The following CTCF variants were observed in gnomAD, a reference collection of about 807,000 sequenced individuals.
CTCF encodes the protein CCCTC-binding factor, also known as transcriptional repressor CTCF.
In CTCF, 7 loss-of-function variants were observed where a neutral mutation model predicts 72.3. The observed-to-expected ratio is 0.10, with a 90% CI of 0.06 to 0.18. The LOEUF (loss-of-function observed/expected upper bound fraction) is 0.18, where lower values mean the gene tolerates loss of function less well. Ranked by LOEUF, CTCF falls within the 10% of genes least tolerant of loss-of-function variation. CTCF has a pLI of 1.00. For synonymous variants in CTCF, 374 were observed against 315.8 expected (o/e 1.18, Z -1.95); for missense variants, 516 against 949.1 (o/e 0.54, Z 6.00).
At chr16:67,628,734 G>C (rs2052323408) in intron 9 of CTCF, among the ~76,000 whole-genome samples, 182 bp downstream of exon 9, 1 of 152,298 alleles carries the variant, frequency 6.6e-6, no homozygotes, top group East Asian at 1.9e-4. Context: ...CACTGATGGG[G>C]AACACAGTAT....
chr16:67,628,019 C>T (rs533250463), intron 8 of CTCF: 38 of 187,518 alleles, frequency 2.0e-4, no homozygotes, highest in Non-Finnish European at 3.2e-4. Context: ...TGCTTGAATC[C>T]GGGAGGTGGA....
chr16:67,617,945 A>C (rs370985167), intron 5 of CTCF, among the ~76,000 whole-genome samples: 8 of 152,342 alleles, frequency 5.3e-5, no homozygotes, highest in African/African-American at 1.7e-4. Flanking sequence ...AATATATCTG[A>C]AACACAAAGA....
intron 2 of CTCF, among the ~76,000 whole-genome samples, chr16:67,598,064 C>T (rs974333513): frequency 6.6e-6 from 1 of 151,982 alleles, no homozygotes; most frequent in Non-Finnish European, 1.5e-5. Context: ...ATAGCCTTAA[C>T]CTCCTGGGCT....
chr16:67,637,786 G>A lies in CTCF; in HGVS notation c.2098G>A (p.Glu700Lys). ...GCCAGATGCTGAGCCCGCAGAGGGA[G>A]AGGAAGAGGAGGCCCAGCCAGCTGC... ...KEPDAEPAEGEEEEAQPAATD... is the reference protein window; with the variant it reads ...KEPDAEPAEGKEEEAQPAATD... The change falls in exon 12 of 12, where the codon GAG (glutamate) becomes AAG (lysine). Residue 700 changes from glutamate (E) to lysine (K), a missense_variant. Physicochemically the swap from Glu to Lys is moderately conservative, Grantham distance 56 (BLOSUM62 1). Transcript: ENST00000264010. 6.2e-7 allele frequency: 1 copy of A among 1,613,274 alleles called. No individual in the cohort carries two copies. Among genetic ancestry groups the A allele is most frequent in the Non-Finnish European group, 8.5e-7 (1 of 1,180,036 alleles).
chr16:67,623,072 C>G (rs2052226196), intron 7 of CTCF, among the ~76,000 whole-genome samples: 2 of 151,736 alleles, frequency 1.3e-5, no homozygotes, highest in Admixed American at 6.6e-5. Flanking sequence ...AGCTCTTCTC[C>G]TGCCTCAGCC....
chr16:67,606,724 A>G (rs557070174), intron 2 of CTCF, among the ~76,000 whole-genome samples: 13 of 151,920 alleles, frequency 8.6e-5, no homozygotes, highest in Non-Finnish European at 1.9e-4. Context: ...TTCTTGGCCA[A>G]AAATACAAAA....
chr16:67,612,162 C>G, intron 4 of CTCF, 41 bp downstream of exon 4: 1 of 1,567,204 alleles, frequency 6.4e-7, no homozygotes, highest in Non-Finnish European at 8.7e-7. Flanking sequence ...AGCAAATGCT[C>G]AGACTTCGCT....
intron 5 of CTCF, among the ~76,000 whole-genome samples, chr16:67,617,190 G>A (rs1031967662): frequency 2.0e-5 from 3 of 151,656 alleles, no homozygotes; most frequent in South Asian, 2.1e-4. Context: ...GGAGAAACCC[G>A]ATCTGTACTA....
chr16:67,611,744 C>T (rs1443897192), intron 3 of CTCF, 131 bp downstream of exon 3: 3 of 1,046,410 alleles, frequency 2.9e-6, no homozygotes, highest in African/African-American at 1.6e-5. Flanking sequence ...TTCTTTAAAA[C>T]CAGTCTAAAA....
At chr16:67,563,239 T>A (rs2051301994) in intron 1 of CTCF, 1 of 152,286 alleles carries the variant, frequency 6.6e-6, no homozygotes, top group Admixed American at 6.5e-5. Context: ...TGTCGGGCCC[T>A]GGCCGTCGCG....
At position 67,631,154 on chromosome 16, in the gene CTCF, G is replaced by GTTTTTTTTTTTTTTTTTTTTTTTTTTTTT. The variant is rs766362012; in HGVS notation, c.1837+1631_1837+1632insTTTTTTTTTTTTTTTTTTTTTTTTTTTTT. ...ATTGGGCTTTTTTTGTTCTTTGTTT[G>GTTTTTTTTTTTTTTTTTTTTTTTTTTTTT]TTTTTTTTTTGTTTTTTGTTTTTTT... On this transcript the variant is annotated intron_variant, in intron 10 of 11. Transcript: ENST00000264010. Among the ~76,000 whole-genome samples, 10 of 125,020 alleles carry GTTTTTTTTTTTTTTTTTTTTTTTTTTTTT rather than the reference G, an allele frequency of 8.0e-5. 2 individuals are homozygous for GTTTTTTTTTTTTTTTTTTTTTTTTTTTTT. The highest frequency in any genetic ancestry group is 3.4e-4 in the African/African-American group (10 of 29,760). The allele number at this position is 125,020 out of a possible 152,430, so 82.0% of individuals were successfully genotyped here.
At chr16:67,627,922 CAAAA>C (rs966649326) in intron 8 of CTCF, 12 of 45,546 alleles carry the variant, frequency 2.6e-4, no homozygotes, top group South Asian at 2.6e-3. Flanking sequence ...GACTCCATCT[CAAAA>C]AAAAAAAAAA....
intron 2 of CTCF, among the ~76,000 whole-genome samples, chr16:67,608,185 A>G (rs866358946): frequency 4.7e-5 from 7 of 147,618 alleles, no homozygotes; most frequent in Non-Finnish European, 1.1e-4. Context: ...TTAGCCGGGC[A>G]TGGTGGTGGG....
intron 10 of CTCF, 36 bp downstream of exon 10, chr16:67,629,569 A>G (rs2142870341): frequency 6.2e-7 from 1 of 1,606,692 alleles, no homozygotes. Flanking sequence ...TTACTATGGC[A>G]GGCTTTGGAG....
chr16:67,616,545 TATA>T (rs1200280418), intron 4 of CTCF, 197 bp from the exon 5 acceptor site: 3 of 584,638 alleles, frequency 5.1e-6, no homozygotes, highest in African/African-American at 1.9e-5. Flanking sequence ...TGGTATGTGT[TATA>T]ATATCCTGGT....
chr16:67,627,636 T>TG (rs2052307475), intron 8 of CTCF: 1 of 131,430 alleles, frequency 7.6e-6, no homozygotes, highest in Non-Finnish European at 1.6e-5. Context: ...CCATCTCTAC[T>TG]AAAAAAAAAA....
At chr16:67,605,129 C>T (rs576554055) in intron 2 of CTCF, among the ~76,000 whole-genome samples, 4 of 152,042 alleles carry the variant, frequency 2.6e-5, no homozygotes, top group East Asian at 3.9e-4. Context: ...CCCGCCACCA[C>T]TCCTGGCTAA....
At chr16:67,634,516 C>CTTTT (rs35780985) in intron 10 of CTCF, among the ~76,000 whole-genome samples, 16 of 104,142 alleles carry the variant, frequency 1.5e-4, no homozygotes, top group Admixed American at 3.2e-4. Context: ...CCTAAATGGG[C>CTTTT]TTTTTTTTTT....
At chr16:67,584,605 C>T (rs922886214) in intron 2 of CTCF, among the ~76,000 whole-genome samples, 1 of 151,706 alleles carries the variant, frequency 6.6e-6, no homozygotes, top group Non-Finnish European at 1.5e-5. Context: ...GGATTACAGG[C>T]GTGAGCCACC....
Sources: gnomAD v4.1 joint callset for allele counts (sites outside exome capture counted in the v4.1 genomes callset) on GRCh38, gnomAD v4.1.1 for gene constraint, MANE v1.5 for transcripts, NCBI Gene and HGNC (gene_info 2026-07-23, HGNC 2026-07-21) for gene names.